The following ZNF394 variants were observed in gnomAD, a reference collection of about 807,000 sequenced individuals.
The protein encoded by ZNF394 is zinc finger protein 394.
In ZNF394, 19 loss-of-function variants were observed where a neutral mutation model predicts 21.8. The observed-to-expected ratio is 0.87, with a 90% confidence interval of 0.61 to 1.28. The LOEUF is 1.28. ZNF394 is among the 50% of genes most tolerant of loss of function. The pLI, the probability that ZNF394 is intolerant of heterozygous loss-of-function variation, is 0.00. For missense variants in ZNF394, 683 were observed against 708.6 expected (o/e 0.96, Z 0.41); for synonymous variants, 294 against 273.3 (o/e 1.08, Z -0.75).
chr7:99,489,630 A>G (rs911984628), downstream of ZNF394, among the ~76,000 whole-genome samples: 1 of 151,770 alleles, frequency 6.6e-6, no homozygotes, highest in East Asian at 1.9e-4. Flanking sequence ...TAGTGTTGCA[A>G]CCTCTCCCCA....
At chr7:99,486,776 T>G (rs752134117) in exon 2 of ZNF394, 129 of 1,614,076 alleles carry the variant, frequency 8.0e-5, no homozygotes, top group Middle Eastern at 3.3e-4. Context: ...TCTTTGCTTT[T>G]GGGGCATGAG....
At chr7:99,486,527 C>T (rs757416407) in exon 2 of ZNF394, 2 of 1,613,048 alleles carry the variant, frequency 1.2e-6, no homozygotes, top group Non-Finnish European at 1.7e-6. Flanking sequence ...CAGAAATTTT[C>T]TGAAGATTTA....
chr7:99,499,435 A>G (rs1362262411), intron 1 of ZNF394, among the ~76,000 whole-genome samples: 1 of 152,010 alleles, frequency 6.6e-6, no homozygotes, highest in Non-Finnish European at 1.5e-5. Context: ...AAAGAAAACC[A>G]GTAATCCGTG....
In ZNF394 at chr7:99,500,274, C is replaced by T. The variant is rs1800483667; in HGVS notation, c.-181G>A. On this transcript the variant is annotated 5_prime_UTR_variant, in exon 1 of 3. Transcript: ENST00000337673. ...GCCTACAACTCTCTCGGTCAAACAACCGAAAACATCCCGTGCCGGAAGCGC... is the reference window on the plus strand; with the variant it reads ...GCCTACAACTCTCTCGGTCAAACAATCGAAAACATCCCGTGCCGGAAGCGC... 2 of 559,150 alleles carry T rather than the reference C, an allele frequency of 3.6e-6. No homozygotes were observed. Among genetic ancestry groups the T allele is most frequent in the Non-Finnish European group, 5.9e-6 (2 of 336,668 alleles). 34.6% of individuals were successfully genotyped at this position (559,150 alleles called of 1,614,324 possible).
intron 1 of ZNF394, chr7:99,486,995 G>A: frequency 6.2e-7 from 1 of 1,614,110 alleles, no homozygotes; most frequent in Non-Finnish European, 8.5e-7. Flanking sequence ...TGTCATGACT[G>A]TGGAAAGTGT....
chr7:99,490,842 A>G (rs1195406440), downstream of ZNF394, among the ~76,000 whole-genome samples: 2 of 152,014 alleles, frequency 1.3e-5, no homozygotes, highest in Non-Finnish European at 1.5e-5. Flanking sequence ...AAGCGCAGCC[A>G]TCCTGAGATG....
At chr7:99,497,155 T>TATATATATATATATATATAA (rs1285527600) in intron 2 of ZNF394, among the ~76,000 whole-genome samples, 6 of 132,618 alleles carry the variant, frequency 4.5e-5, no homozygotes, top group African/African-American at 1.6e-4. Context: ...TATATATATA[T>TATATATATATATATATATAA]AAAATGTTTT....
In ZNF394 at chr7:99,493,556, C is replaced by G; in HGVS notation, c.1659G>C (p.Ser553=). Residue 553 remains serine, a synonymous_variant, in exon 3 of 3, where the codon TCG becomes TCC. Coordinates refer to ENST00000337673, the MANE Select transcript of ZNF394 (RefSeq NM_032164.4). ...HQRIHQNKVL[S]AGRGGSRL ...ATAGGCGTGAGCCACCACGCCCAGC[C>G]GACAGCACTTTATTTTGATGAATTC... The G allele has an allele frequency of 6.2e-7, 1 of 1,610,924 alleles. No homozygotes were observed. Among genetic ancestry groups the G allele is most frequent in the Non-Finnish European group, 8.5e-7 (1 of 1,178,136 alleles).
At position 99,499,831 on chromosome 7, in the gene ZNF394, A is replaced by C. The variant is rs779000230; in HGVS notation, c.263T>G (p.Leu88Arg). Reference sequence around the variant, plus strand: ...CTCGGGTCTCAGCCACCGACGACAGAGTTCTCGGAGCCGGCTCAGCGCCTC... The same window carrying C: ...CTCGGGTCTCAGCCACCGACGACAGCGTTCTCGGAGCCGGCTCAGCGCCTC... ...PEEALSRLRE[L>R]CRRWLRPELL... Residue 88 changes from leucine to arginine, a missense_variant, in exon 1 of 3, where the codon CTC becomes CGC. Physicochemically the swap from Leu to Arg is moderately radical, Grantham distance 102 (BLOSUM62 -2). Around this residue, in one of 3 missense-constraint regions of ZNF394, gnomAD observed 402 missense variants for 373.8 expected, o/e 1.08. Transcript: ENST00000337673. 8.7e-6 allele frequency: 14 copies of C among 1,614,158 alleles called. No individual in the cohort carries two copies. Among genetic ancestry groups the C allele is most frequent in the Middle Eastern group, 1.6e-4 (1 of 6,062 alleles).
rs1373045515 is a variant in ZNF394 at position 99,494,362 on chromosome 7, C to A, written c.853G>T (p.Glu285Ter). Residue 285 changes from glutamate to a stop codon, truncating the protein, a stop_gained, in exon 3 of 3, where the codon GAA becomes TAA. Transcript: ENST00000337673. LOFTEE classifies it low-confidence loss of function (END_TRUNC). ...SIEGEDSKNN[E>*]LQNSARCSNL... ...GAACACCTGGCACTGTTCTGCAATTCATTATTTTTAGAGTCTTCCCCTTCT... is the reference window on the plus strand; with the variant it reads ...GAACACCTGGCACTGTTCTGCAATTAATTATTTTTAGAGTCTTCCCCTTCT... The A allele has an allele frequency of 6.2e-7, 1 of 1,614,170 alleles. No homozygotes were observed.
intron 2 of ZNF394, among the ~76,000 whole-genome samples, chr7:99,496,172 ATAGTAGGTATTT>A (rs1412376792): frequency 6.6e-6 from 1 of 150,570 alleles, no homozygotes; most frequent in African/African-American, 2.5e-5. Context: ...AGTAGGTATT[ATAGTAGGTATTT>A]TAGTAGGTGT....
chr7:99,493,020 TATC>T (rs1242610815), downstream of ZNF394, among the ~76,000 whole-genome samples: 1 of 152,142 alleles, frequency 6.6e-6, no homozygotes, highest in Non-Finnish European at 1.5e-5. Flanking sequence ...GCCTGGCTCT[TATC>T]ATCAGAAGTC....
chr7:99,497,456 A>G (rs1800373411), intron 2 of ZNF394, among the ~76,000 whole-genome samples: 1 of 151,600 alleles, frequency 6.6e-6, no homozygotes, highest in East Asian at 1.9e-4. Flanking sequence ...CTGGGATTAC[A>G]GGCGTGAGCC....
In ZNF394 at chr7:99,499,691, CCTCCT is replaced by C; in HGVS notation, c.398_402del (p.Glu133GlyfsTer100). On this transcript the variant is annotated frameshift_variant, in exon 1 of 3. Transcript: ENST00000337673. LOFTEE classifies it high-confidence loss of function. ...TGCAGAGCCCGCACCACGGCCACCGCCTCCTCCCCGCTCTCTGGGCAGTGCTCTCG... is the reference window on the plus strand; with the variant it reads ...TGCAGAGCCCGCACCACGGCCACCGCCCCCGCTCTCTGGGCAGTGCTCTCG... The C allele has an allele frequency of 1.2e-6, 2 of 1,612,128 alleles. No homozygotes were observed. Among genetic ancestry groups the C allele is most frequent in the Non-Finnish European group, 1.7e-6 (2 of 1,179,652 alleles).
chr7:99,487,621 C>T lies in ZNF394; in HGVS notation n.84-658G>A, dbSNP rs1800046542. Reference sequence around the variant, plus strand: ...TTCTATGGGAGCCATCTTTGTGTAGCCAATCTGTAGTGAAGAAACGCTTAA... The same window carrying T: ...TTCTATGGGAGCCATCTTTGTGTAGTCAATCTGTAGTGAAGAAACGCTTAA... On this transcript the variant is annotated intron_variant and non_coding_transcript_variant, in intron 1 of 1. Transcript: ENST00000462024. The T allele has an allele frequency of 3.8e-6, 4 of 1,042,210 alleles. No homozygotes were observed. In the Admixed American group the frequency reaches 1.1e-4, roughly 29 times the overall value. The allele number at this position is 1,042,210 out of a possible 1,614,324, so 64.6% of individuals were successfully genotyped here. A position where few individuals can be genotyped will look rare whatever the true frequency, so the allele number is the denominator to read the frequency against.
exon 2 of ZNF394, chr7:99,486,873 A>C: frequency 6.2e-7 from 1 of 1,614,210 alleles, no homozygotes; most frequent in Non-Finnish European, 8.5e-7. Flanking sequence ...AACATCAAAG[A>C]ATTCACTTTT....
chr7:99,494,437 C>T lies in ZNF394; in HGVS notation c.778G>A (p.Glu260Lys), dbSNP rs775515319. The change falls in exon 3 of 3, where the codon GAA becomes AAA. Residue 260 changes from glutamate (E) to lysine (K), a missense_variant. Around this residue, in one of 3 missense-constraint regions of ZNF394, gnomAD observed 402 missense variants for 373.8 expected, o/e 1.08. Coordinates refer to ENST00000337673, the MANE Select transcript of ZNF394 (RefSeq NM_032164.4). ...GAGATGCTGTTGAGTCCTTCTGCTT[C>T]AGGAGAATTTTCAAGTTTCAGGGGC... ...PLPLKLENSP[E>K]AEGLNSISDV... 5 of 1,614,140 alleles carry T rather than the reference C, an allele frequency of 3.1e-6. No homozygotes were observed. The East Asian group carries it at 1.1e-4, about 36-fold the overall frequency.
At chr7:99,490,658 T>C (rs1023911494), downstream of ZNF394, among the ~76,000 whole-genome samples, 1 of 151,450 alleles carries the variant, frequency 6.6e-6, no homozygotes, top group Non-Finnish European at 1.5e-5. Context: ...AAAGATAGTT[T>C]GTATTTACGA....
exon 2 of ZNF394, chr7:99,486,622 A>G: frequency 6.2e-7 from 1 of 1,614,240 alleles, no homozygotes; most frequent in Non-Finnish European, 8.5e-7. Context: ...ATTTGTGGAC[A>G]GTTGCAGGCT....
Sources: gnomAD v4.1 joint callset for allele counts (sites outside exome capture counted in the v4.1 genomes callset) on GRCh38, gnomAD v4.1.1 for gene constraint, gnomAD v4.1.1 regional missense constraint, MANE v1.5 for transcripts, NCBI Gene and HGNC (gene_info 2026-07-23, HGNC 2026-07-21) for gene names.